TMEM135: variants seen among roughly 807,000 people sequenced by gnomAD.
The protein encoded by TMEM135 is peroxisomal membrane protein 52.
In TMEM135, 30 loss-of-function variants were observed where a neutral mutation model predicts 60.3. The ratio of observed to expected loss-of-function variants is 0.50; its 90% CI spans 0.37 to 0.68. The LOEUF (loss-of-function observed/expected upper bound fraction) is 0.68. TMEM135 is among the 30% of genes least tolerant of loss of function. The pLI is 0.00. For missense variants in TMEM135, 468 were observed against 548.8 expected, an observed-to-expected ratio of 0.85 and a Z score of 1.47; for synonymous variants, 190 against 186.7, an observed-to-expected ratio of 1.02 and a Z score of -0.14.
chr11:87,240,748 T>G (rs1339398961), intron 6 of TMEM135, among the ~76,000 whole-genome samples: 1 of 152,152 alleles, frequency 6.6e-6, no homozygotes, highest in Non-Finnish European at 1.5e-5. Flanking sequence ...TTTGCATAAT[T>G]TTTATAGATA....
intron 5 of TMEM135, among the ~76,000 whole-genome samples, chr11:87,169,011 T>G (rs1939149729): frequency 6.6e-6 from 1 of 152,126 alleles, no homozygotes. Flanking sequence ...ATATTTAGGA[T>G]AGTTAACTCA....
intron 5 of TMEM135, among the ~76,000 whole-genome samples, chr11:87,232,780 A>C (rs1286847729): frequency 6.6e-6 from 1 of 152,158 alleles, no homozygotes; most frequent in South Asian, 2.1e-4. Context: ...GAATATAGAC[A>C]ATTTAGAGAT....
intron 5 of TMEM135, among the ~76,000 whole-genome samples, chr11:87,177,779 A>G (rs1239958594): frequency 6.6e-6 from 1 of 152,156 alleles, no homozygotes; most frequent in Non-Finnish European, 1.5e-5. Flanking sequence ...TTAGCCCTCC[A>G]GAAGACTGCT....
chr11:87,206,478 T>A (rs1940236933), intron 5 of TMEM135, among the ~76,000 whole-genome samples: 1 of 152,164 alleles, frequency 6.6e-6, no homozygotes, highest in Non-Finnish European at 1.5e-5. Context: ...ATTACTTCCA[T>A]AATTGTTCAG....
intron 5 of TMEM135, among the ~76,000 whole-genome samples, chr11:87,202,008 ATGTAATGTT>A (rs1364485105): frequency 7.2e-5 from 3 of 41,744 alleles, no homozygotes; most frequent in African/African-American, 3.3e-4. Flanking sequence ...ATGTTATGTT[ATGTAATGTT>A]ATGTTATGTT....
At chr11:87,141,923 C>T (rs567294379) in intron 4 of TMEM135, among the ~76,000 whole-genome samples, 5 of 152,228 alleles carry the variant, frequency 3.3e-5, no homozygotes, top group African/African-American at 9.6e-5. Context: ...GAAAGATTAG[C>T]TATTGAATGG....
At chr11:87,218,759 C>T (rs556655950) in intron 5 of TMEM135, among the ~76,000 whole-genome samples, 3 of 152,152 alleles carry the variant, frequency 2.0e-5, no homozygotes, top group East Asian at 1.9e-4. Flanking sequence ...GTCAGGAGTT[C>T]GAGATCAGCC....
intron 9 of TMEM135, among the ~76,000 whole-genome samples, chr11:87,309,092 G>GTTTTCTGTTTA (rs1942598752): frequency 1.3e-5 from 2 of 152,100 alleles, no homozygotes; most frequent in African/African-American, 4.8e-5. Flanking sequence ...ATCATTAAGA[G>GTTTTCTGTTTA]CAGTTTTCTG....
intron 5 of TMEM135, among the ~76,000 whole-genome samples, chr11:87,178,212 C>T (rs1483681882): frequency 6.6e-6 from 1 of 151,898 alleles, no homozygotes; most frequent in Non-Finnish European, 1.5e-5. Context: ...GGTGACCAGT[C>T]CCTAGCTGGA....
Position 87,327,488 on chromosome 11 carries a change from G to A in TMEM135, c.*6155G>A, listed in dbSNP as rs1484760211. On this transcript the variant is annotated 3_prime_UTR_variant, in exon 15 of 15. Coordinates refer to ENST00000305494, the MANE Select transcript of TMEM135 (RefSeq NM_022918.4). ...TTTCTTAAAGTTCTGTATCAGTCAG[G>A]GTTTCCCAGAGAGGCAGAACAATAG... 2.2e-6 allele frequency: 1 copy of A among 453,934 alleles called. No homozygotes were observed. The highest frequency in any genetic ancestry group is 4.4e-6 in the Non-Finnish European group (1 of 226,768). 28.1% of individuals were successfully genotyped at this position (453,934 alleles called of 1,614,324 possible).
Position 87,154,173 on chromosome 11 carries a change from T to C in TMEM135, c.397-3168T>C, listed in dbSNP as rs1938631024. Among the ~76,000 whole-genome samples the C allele has an allele frequency of 1.3e-5, 2 of 152,308 alleles. 1 individual carries two copies. Among genetic ancestry groups the C allele is most frequent in the African/African-American group, 4.8e-5 (2 of 41,560 alleles). On this transcript the variant is annotated intron_variant, in intron 4 of 14. Coordinates refer to ENST00000305494, the MANE Select transcript of TMEM135 (RefSeq NM_022918.4). ...CAGCCTCTAGTAACCACTGTTCTAC[T>C]TTCTGTCTCAATGAATTTCACTACT... is the stretch of plus-strand genomic sequence containing the variant.
At chr11:87,122,437 A>ATTTTTTTTTATT (rs765586434) in intron 4 of TMEM135, among the ~76,000 whole-genome samples, 1 of 144,946 alleles carries the variant, frequency 6.9e-6, no homozygotes, top group African/African-American at 2.5e-5. Flanking sequence ...TTTAGTTTTT[A>ATTTTTTTTTATT]TATTTATTTA....
intron 1 of TMEM135, 95 bp from the exon 2 acceptor site, chr11:87,067,599 A>T (rs994957693): frequency 1.3e-6 from 2 of 1,526,848 alleles, no homozygotes; most frequent in East Asian, 4.7e-5. Context: ...ACTTTAACTT[A>T]TAAATATATG....
chr11:87,171,333 G>T (rs945815288), intron 5 of TMEM135, among the ~76,000 whole-genome samples: 3 of 122,420 alleles, frequency 2.5e-5, no homozygotes, highest in African/African-American at 9.6e-5. Context: ...TCAAGACAGT[G>T]TAGTGTTTTT....
chr11:87,122,533 T>A (rs188071537), intron 4 of TMEM135, among the ~76,000 whole-genome samples: 6 of 151,892 alleles, frequency 4.0e-5, no homozygotes, highest in Admixed American at 3.9e-4. Flanking sequence ...TAATCTCGGC[T>A]CACTGCAACC....
At chr11:87,153,781 C>T (rs1381065273) in intron 4 of TMEM135, among the ~76,000 whole-genome samples, 9 of 152,076 alleles carry the variant, frequency 5.9e-5, no homozygotes, top group Non-Finnish European at 1.2e-4. Context: ...AATAATTGTT[C>T]GATAAATTCT....
intron 5 of TMEM135, among the ~76,000 whole-genome samples, chr11:87,176,020 A>T (rs1041418584): frequency 3.9e-5 from 6 of 152,150 alleles, no homozygotes; most frequent in African/African-American, 1.4e-4. Flanking sequence ...TTTTGTTTGC[A>T]CATCATTTTT....
At chr11:87,163,194 G>C (rs200411451) in intron 5 of TMEM135, among the ~76,000 whole-genome samples, 53,199 of 97,258 alleles carry the variant, frequency 0.55, 13,821 homozygotes, top group East Asian at 0.72. Context: ...CCCCTCCCCC[G>C]ACCCCACCAC....
intron 5 of TMEM135, among the ~76,000 whole-genome samples, chr11:87,186,592 C>CT (rs1939660763): frequency 6.6e-6 from 1 of 152,020 alleles, no homozygotes; most frequent in African/African-American, 2.4e-5. Context: ...TAAAGTTCAT[C>CT]TTTTTTTGTT....
Sources: gnomAD v4.1 joint callset for allele counts (sites outside exome capture counted in the v4.1 genomes callset) on GRCh38, gnomAD v4.1.1 for gene constraint, MANE v1.5 for transcripts, NCBI Gene and HGNC (gene_info 2026-07-23, HGNC 2026-07-21) for gene names.